VTI1B: variants seen among roughly 807,000 people sequenced by gnomAD.
VTI1B encodes vesicle transport through interaction with t-SNAREs 1B.
Under a neutral mutation model 28.6 loss-of-function variants are expected in VTI1B, and 18 were observed. That is an observed-to-expected ratio of 0.63 (90% CI 0.43 to 0.93). The LOEUF is 0.93. Ranked by LOEUF, VTI1B falls within the 40% of genes least tolerant of loss-of-function variation. The pLI, the probability that VTI1B is intolerant of heterozygous loss-of-function variation, is 0.00. For missense variants in VTI1B, 283 were observed against 297.0 expected (o/e 0.95, Z 0.35); for synonymous variants, 100 against 107.9 (o/e 0.93, Z 0.46).
chr14:67,647,867 A>AT lies in VTI1B; in HGVS notation c.*3517dup, dbSNP rs994259497. The stretch of plus-strand genomic sequence containing the variant: ...ATGAAGTGGTATGTAGGAAGTTAAT[A>AT]TTGCCAATCTCAGTAACTTCCAAGA... On this transcript the variant is annotated 3_prime_UTR_variant, in exon 6 of 6. Coordinates refer to ENST00000554659, the MANE Select transcript of VTI1B (RefSeq NM_006370.3). 12 of 634,912 alleles carry AT rather than the reference A, an allele frequency of 1.9e-5. 1 individual carries two copies. The highest frequency in any genetic ancestry group is 1.8e-4 in the African/African-American group (10 of 54,554). The allele number at this position is 634,912 out of a possible 1,614,324, so 39.3% of individuals were successfully genotyped here. A position where few individuals can be genotyped will look rare whatever the true frequency, so the allele number is the denominator to read the frequency against.
intron 2 of VTI1B, among the ~76,000 whole-genome samples, chr14:67,660,406 A>C (rs570016858): frequency 8.5e-5 from 13 of 152,176 alleles, no homozygotes; most frequent in South Asian, 4.2e-4. Flanking sequence ...CCTCATCTCT[A>C]TATATATATA....
chr14:67,653,518 A>G lies in VTI1B; in HGVS notation c.541-20T>C. On this transcript the variant is annotated intron_variant, in intron 4 of 5. Coordinates refer to ENST00000554659, the MANE Select transcript of VTI1B (RefSeq NM_006370.3). ...TACCAGCTGAGAAGAGAAAATAGTG[A>G]TTATTTCCCTCTTTAAAAAGTATAC... 6.2e-7 allele frequency: 1 copy of G among 1,606,682 alleles called. No homozygotes were observed. The highest frequency in any genetic ancestry group is 1.1e-5 in the South Asian group (1 of 90,882).
chr14:67,664,709 G>T (rs920262728), intron 1 of VTI1B, among the ~76,000 whole-genome samples: 2 of 152,126 alleles, frequency 1.3e-5, no homozygotes, highest in African/African-American at 4.8e-5. Flanking sequence ...ATGTTGGCCA[G>T]TCTGGTCTCA....
intron 4 of VTI1B, 101 bp from the exon 5 acceptor site, chr14:67,653,599 A>C: frequency 6.6e-6 from 7 of 1,061,878 alleles, no homozygotes; most frequent in Non-Finnish European, 9.6e-6. Context: ...TATATGTTGA[A>C]AAATTCCAAG....
intron 5 of VTI1B, among the ~76,000 whole-genome samples, chr14:67,651,935 T>C (rs1734438539): frequency 6.6e-6 from 1 of 152,206 alleles, no homozygotes; most frequent in Non-Finnish European, 1.5e-5. Flanking sequence ...GGGTATGTTA[T>C]AAAGGTAGTA....
In VTI1B at chr14:67,651,006, T is replaced by C; in HGVS notation, c.*379A>G. The C allele has an allele frequency of 7.4e-7, 1 of 1,347,590 alleles. No individual in the cohort carries two copies. Among genetic ancestry groups the C allele is most frequent in the South Asian group, 1.2e-5 (1 of 80,872 alleles). 83.5% of individuals were successfully genotyped at this position (1,347,590 alleles called of 1,614,324 possible). A position where few individuals can be genotyped will look rare whatever the true frequency, so the allele number is the denominator to read the frequency against. ...GATAGATGAATACTAAATGGTTGTC[T>C]GGGTCAATACTGCCTTAATGAGAAC... On this transcript the variant is annotated 3_prime_UTR_variant, in exon 6 of 6. Transcript: ENST00000554659.
Position 67,650,567 on chromosome 14 carries a change from T to C in VTI1B, c.*818A>G. The C allele has an allele frequency of 1.5e-6, 1 of 667,700 alleles. No individual in the cohort carries two copies. The allele number at this position is 667,700 out of a possible 1,614,324, so 41.4% of individuals were successfully genotyped here. ...TAAATTCATGGCCAAGAGGATGAGG[T>C]GCAAGGGGCTTCCTAAAAATAGGTA... On this transcript the variant is annotated 3_prime_UTR_variant, in exon 6 of 6. Transcript: ENST00000554659.
intron 1 of VTI1B, among the ~76,000 whole-genome samples, chr14:67,669,223 G>A (rs908609982): frequency 3.3e-5 from 5 of 151,350 alleles, no homozygotes; most frequent in African/African-American, 1.2e-4. Flanking sequence ...AATTCTTGCT[G>A]TTAAATATTA....
Position 67,661,891 on chromosome 14 carries a change from C to G in VTI1B, c.174+586G>C, listed in dbSNP as rs371522380. 1.6e-4 allele frequency among the ~76,000 whole-genome samples: 24 copies of G among 152,180 alleles called. No homozygotes were observed. The East Asian group carries it at 4.6e-3, about 29-fold the overall frequency. ...AGATTTTAGGCCAGGCACGGTGGCT[C>G]ATGCCTTGTAATCCCTGTACTTTGG... On this transcript the variant is annotated intron_variant, in intron 2 of 5. Coordinates refer to ENST00000554659, the MANE Select transcript of VTI1B (RefSeq NM_006370.3).
chr14:67,664,084 ATGTT>A lies in VTI1B; in HGVS notation c.116-1553_116-1550del, dbSNP rs902306292. 8.5e-5 allele frequency among the ~76,000 whole-genome samples: 13 copies of A among 152,256 alleles called. No individual in the cohort carries two copies. The East Asian group carries it at 1.5e-3, about 18-fold the overall frequency. On this transcript the variant is annotated intron_variant, in intron 1 of 5. Transcript: ENST00000554659. ...CACCATAAAGTTACCATCATTTACA[ATGTT>A]TGTTTGTTTGTTTCAAGACAGAGTC...
chr14:67,664,622 G>A lies in VTI1B; in HGVS notation c.116-2087C>T, dbSNP rs866773839. Among the ~76,000 whole-genome samples, 18 of 151,448 alleles carry A rather than the reference G, an allele frequency of 1.2e-4. No homozygotes were observed. In the East Asian group the frequency reaches 1.4e-3, roughly 11 times the overall value. ...AGCGATTCTCTTGCCTCAGCCTCCC[G>A]AGCAGCTGGGGTTACAGGCACCCAC... On this transcript the variant is annotated intron_variant, in intron 1 of 5. Transcript: ENST00000554659.
intron 1 of VTI1B, among the ~76,000 whole-genome samples, chr14:67,673,335 C>A (rs904144308): frequency 1.3e-4 from 20 of 151,966 alleles, no homozygotes; most frequent in South Asian, 6.2e-4. Flanking sequence ...CAGAGTGAGA[C>A]CCTGTCTCAA....
intron 1 of VTI1B, among the ~76,000 whole-genome samples, chr14:67,663,596 C>A (rs1488116355): frequency 1.3e-5 from 2 of 152,110 alleles, no homozygotes; most frequent in African/African-American, 4.8e-5. Context: ...ATGGTGTGAA[C>A]CCAGGAGGCG....
intron 4 of VTI1B, among the ~76,000 whole-genome samples, chr14:67,654,854 C>G (rs1002596560): frequency 5.9e-5 from 9 of 151,432 alleles, no homozygotes; most frequent in African/African-American, 2.2e-4. Flanking sequence ...ATGGTGAAAC[C>G]CCGTCTCTAC....
chr14:67,659,580 G>A, intron 3 of VTI1B, 151 bp downstream of exon 3: 3 of 733,936 alleles, frequency 4.1e-6, no homozygotes, highest in Non-Finnish European at 6.1e-6. Flanking sequence ...GGGGTAACAG[G>A]AACTGGATGC....
intron 4 of VTI1B, 90 bp downstream of exon 4, chr14:67,656,326 G>T: frequency 8.1e-7 from 1 of 1,228,090 alleles, no homozygotes; most frequent in Non-Finnish European, 1.1e-6. Flanking sequence ...ATACAGAACT[G>T]CTGTAGCTTT....
chr14:67,674,444 C>T lies in VTI1B; in HGVS notation c.46G>A (p.Glu16Lys). 1 of 1,609,404 alleles carries T rather than the reference C, an allele frequency of 6.2e-7. No individual in the cohort carries two copies. Among genetic ancestry groups the T allele is most frequent in the Non-Finnish European group, 8.5e-7 (1 of 1,178,910 alleles). Residue 16 changes from glutamate to lysine, a missense_variant, in exon 1 of 6, where the codon GAG (glutamate) becomes AAG (lysine). Transcript: ENST00000554659. ...ASSEHFEKLH[E>K]IFRGLHEDLQ... ...TCTTCATGGAGGCCGCGGAAGATCT[C>T]GTGCAGCTTCTCGAAATGCTCCGAG...
chr14:67,670,544 C>A (rs985363552), intron 1 of VTI1B, among the ~76,000 whole-genome samples: 7 of 151,708 alleles, frequency 4.6e-5, no homozygotes, highest in African/African-American at 2.4e-5. Context: ...ATTAATCACA[C>A]ACTTGGTTGT....
At position 67,656,419 on chromosome 14, in the gene VTI1B, A is replaced by G; in HGVS notation, c.537T>C (p.Ser179=). Residue 179 remains serine (S), a synonymous_variant, in exon 4 of 6, where the codon AGT becomes AGC. Coordinates refer to ENST00000554659, the MANE Select transcript of VTI1B (RefSeq NM_006370.3). ...EQRDQLERTK[S]RLVNTSENLS... is the part of the protein sequence containing the mutation. ...TTCCCTGTCTGCCCAGACTTACTCT[A>G]CTCTTGGTACGTTCTAACTGGTCTC... The G allele has an allele frequency of 1.2e-6, 2 of 1,604,034 alleles. No homozygotes were observed. Among genetic ancestry groups the G allele is most frequent in the Non-Finnish European group, 1.7e-6 (2 of 1,174,534 alleles).
Sources: allele counts gnomAD v4.1 joint callset (sites outside exome capture counted in the v4.1 genomes callset), GRCh38; gene constraint gnomAD v4.1.1; transcripts MANE v1.5; gene names NCBI Gene and HGNC (gene_info 2026-07-23, HGNC 2026-07-21).